Variants in INPP5A observed in about 807,000 individuals in gnomAD.
INPP5A encodes 43 kDa inositol polyphosphate 5-phophatase.
In INPP5A, 14 loss-of-function variants were observed where a neutral mutation model predicts 65.2. The observed-to-expected ratio is 0.21, with a 90% confidence interval of 0.14 to 0.34. The LOEUF is 0.34. Ranked by LOEUF, INPP5A falls within the 10% of genes least tolerant of loss-of-function variation. INPP5A has a pLI of 1.00. For missense variants in INPP5A, 431 were observed against 545.6 expected (o/e 0.79, Z 2.09); for synonymous variants, 207 against 208.3 (o/e 0.99, Z 0.05).
At position 132,707,242 on chromosome 10, in the gene INPP5A, A is replaced by C. The variant is rs1258301659; in HGVS notation, c.475-1071A>C. On this transcript the variant is annotated intron_variant, in intron 6 of 15. Transcript: ENST00000368594. The surrounding 1 kb of genome is among the most constrained non-coding windows in gnomAD (Gnocchi z 5.5). ...CCAGCCCATGAGCACCAAGAACAGC[A>C]GCCCCTGTCCACCTCCGCCCCCGAT... 6.6e-6 allele frequency among the ~76,000 whole-genome samples: 1 copy of C among 152,182 alleles called. No homozygotes were observed. The highest frequency in any genetic ancestry group is 1.5e-5 in the Non-Finnish European group (1 of 68,046).
chr10:132,697,733 C>G lies in INPP5A; in HGVS notation c.371-83C>G, dbSNP rs112146145. The G allele has an allele frequency of 1.4e-3, 1,335 of 944,754 alleles. 15 individuals carry two copies. In the African/African-American group the frequency reaches 0.02, roughly 14 times the overall value. 58.5% of individuals were successfully genotyped at this position (944,754 alleles called of 1,614,324 possible). ...TCTCTGGCTCCCATCGGGCTGAAGT[C>G]GGGTGGAAACAGGTTGTGCTCCAGG... On this transcript the variant is annotated intron_variant, in intron 5 of 15. Coordinates refer to ENST00000368594, the MANE Select transcript of INPP5A (RefSeq NM_005539.5). This position sits in a 1 kb window ranked among gnomAD's most constrained non-coding sequence, Gnocchi z 5.6.
intron 11 of INPP5A, among the ~76,000 whole-genome samples, chr10:132,759,122 T>C (rs1846684493): frequency 6.6e-6 from 1 of 152,172 alleles, no homozygotes; most frequent in Non-Finnish European, 1.5e-5. Flanking sequence ...AGGCCCTGAG[T>C]GTGCAGCAGG....
chr10:132,608,414 G>A (rs765216905), intron 2 of INPP5A, among the ~76,000 whole-genome samples: 4 of 152,242 alleles, frequency 2.6e-5, no homozygotes, highest in East Asian at 1.9e-4. Flanking sequence ...CTGCCAGGCC[G>A]AGGCACGGAC....
chr10:132,727,910 CTG>C lies in INPP5A; in HGVS notation c.732+1007_732+1008del, dbSNP rs1846014525. 6.6e-6 allele frequency among the ~76,000 whole-genome samples: 1 copy of C among 152,178 alleles called. No individual in the cohort carries two copies. Among genetic ancestry groups the C allele is most frequent in the Non-Finnish European group, 1.5e-5 (1 of 68,030 alleles). The stretch of plus-strand genomic sequence containing the variant: ...AACGGGGACATGGCGGTCCCCGAGA[CTG>C]TTATCTTCCCATTTTAGTCTCCAGT... On this transcript the variant is annotated intron_variant, in intron 9 of 15. Coordinates refer to ENST00000368594, the MANE Select transcript of INPP5A (RefSeq NM_005539.5). This position sits in a 1 kb window ranked among gnomAD's most constrained non-coding sequence, Gnocchi z 6.5.
chr10:132,679,223 C>T (rs1244385811), intron 4 of INPP5A, among the ~76,000 whole-genome samples: 1 of 152,170 alleles, frequency 6.6e-6, no homozygotes, highest in Non-Finnish European at 1.5e-5. Flanking sequence ...ATCCGTAGAA[C>T]CTGTGGAAGG....
chr10:132,759,478 C>T (rs1197502699), intron 11 of INPP5A, among the ~76,000 whole-genome samples: 2 of 152,236 alleles, frequency 1.3e-5, no homozygotes, highest in East Asian at 3.8e-4. Context: ...TTCCGGCTTC[C>T]AGAACCTGCA....
chr10:132,763,621 C>G (rs1332392190), intron 11 of INPP5A, among the ~76,000 whole-genome samples: 1 of 149,708 alleles, frequency 6.7e-6, no homozygotes, highest in Admixed American at 6.6e-5. Context: ...ACACACATGC[C>G]TGTGCACACA....
chr10:132,710,623 A>G (rs111474095), intron 8 of INPP5A, among the ~76,000 whole-genome samples, 167 bp downstream of exon 8: 3 of 142,738 alleles, frequency 2.1e-5, no homozygotes, highest in Admixed American at 6.9e-5. Flanking sequence ...AGAGGTAGGT[A>G]TGGATGGCAG....
At chr10:132,726,960 A>G (rs1026408865) in intron 9 of INPP5A, 55 bp downstream of exon 9, 60 of 1,310,354 alleles carry the variant, frequency 4.6e-5, no homozygotes, top group Non-Finnish European at 6.2e-5. Flanking sequence ...GTGTTGAGGA[A>G]AACAGTGGAA....
rs905753397 is a variant in INPP5A, at chr10:132,650,996, A to G, written c.306+491A>G. ...TCAGGGTGAGCACAGGGGGAGTGGG[A>G]CAGAGCCTTCCACAGGGCTGGGAAA... On this transcript the variant is annotated intron_variant, in intron 4 of 15. Coordinates refer to ENST00000368594, the MANE Select transcript of INPP5A (RefSeq NM_005539.5). The surrounding 1 kb of genome is among the most constrained non-coding windows in gnomAD (Gnocchi z 5.5). 1.3e-5 allele frequency among the ~76,000 whole-genome samples: 2 copies of G among 151,908 alleles called. No individual in the cohort carries two copies. Among genetic ancestry groups the G allele is most frequent in the Non-Finnish European group, 2.9e-5 (2 of 67,950 alleles).
At chr10:132,564,313 G>A (rs1047704860) in intron 1 of INPP5A, among the ~76,000 whole-genome samples, 1 of 152,174 alleles carries the variant, frequency 6.6e-6, no homozygotes, top group Non-Finnish European at 1.5e-5. Flanking sequence ...TTATGGAGGA[G>A]TTGGACTTCT....
chr10:132,608,899 C>A (rs2071901022), intron 2 of INPP5A, among the ~76,000 whole-genome samples: 2 of 152,144 alleles, frequency 1.3e-5, no homozygotes, highest in South Asian at 4.1e-4. Flanking sequence ...GTGGCCCGAC[C>A]TGGGCCTGAG....
intron 1 of INPP5A, among the ~76,000 whole-genome samples, chr10:132,584,820 C>T (rs1454446793): frequency 6.6e-6 from 1 of 152,210 alleles, no homozygotes; most frequent in Non-Finnish European, 1.5e-5. Flanking sequence ...CCTGCCTCAA[C>T]CTCCTAGGCT....
rs79290403 is a variant in INPP5A, at chr10:132,659,981, G to A, written c.306+9476G>A. ...CTCCCTGTGACATGGCACATGACAC[G>A]TGACACAACACATTCTCATGCTCCG... is the stretch of plus-strand genomic sequence containing the variant. On this transcript the variant is annotated intron_variant, in intron 4 of 15. Coordinates refer to ENST00000368594, the MANE Select transcript of INPP5A (RefSeq NM_005539.5). The surrounding 1 kb of genome is among the most constrained non-coding windows in gnomAD (Gnocchi z 5.5). Among the ~76,000 whole-genome samples the A allele has an allele frequency of 0.015, 2,253 of 152,370 alleles. 33 individuals are homozygous for A. Among genetic ancestry groups the A allele is most frequent in the South Asian group, 0.039 (190 of 4,830 alleles).
intron 2 of INPP5A, among the ~76,000 whole-genome samples, chr10:132,640,939 C>T (rs948750441): frequency 2.6e-5 from 4 of 152,168 alleles, no homozygotes; most frequent in Non-Finnish European, 4.4e-5. Flanking sequence ...CGAGATCCGA[C>T]GTGGGTTCAG....
chr10:132,739,309 G>T (rs952094965), intron 9 of INPP5A, among the ~76,000 whole-genome samples: 3 of 152,214 alleles, frequency 2.0e-5, no homozygotes, highest in African/African-American at 7.2e-5. Flanking sequence ...TGGCCTCCCG[G>T]CCTCACCACA....
intron 4 of INPP5A, among the ~76,000 whole-genome samples, chr10:132,672,369 T>C (rs1435053723): frequency 1.3e-5 from 2 of 152,180 alleles, no homozygotes; most frequent in Non-Finnish European, 2.9e-5. Flanking sequence ...CACCCAAATC[T>C]CATCTTGAAT....
intron 12 of INPP5A, among the ~76,000 whole-genome samples, chr10:132,769,436 T>C (rs893661640): frequency 2.6e-5 from 4 of 152,214 alleles, no homozygotes; most frequent in Non-Finnish European, 4.4e-5. Context: ...GGCGGGACCC[T>C]GAGCTGTAAG....
intron 1 of INPP5A, among the ~76,000 whole-genome samples, chr10:132,548,222 G>A (rs1454283556): frequency 6.6e-6 from 1 of 152,154 alleles, no homozygotes; most frequent in Non-Finnish European, 1.5e-5. Flanking sequence ...GTGGAGGGGT[G>A]GGGTGGGGCC....
Sources: allele counts gnomAD v4.1 joint callset (sites outside exome capture counted in the v4.1 genomes callset), GRCh38; gene constraint gnomAD v4.1.1; non-coding constraint Gnocchi (gnomAD v3.1); transcripts MANE v1.5; gene names NCBI Gene and HGNC (gene_info 2026-07-23, HGNC 2026-07-21).